The following DGKB variants were observed in gnomAD, a reference collection of about 807,000 sequenced individuals.
DGKB encodes the protein diacylglycerol kinase beta.
DGKB carries 67 observed loss-of-function variants against 114.3 expected under a neutral mutation model. That is an observed-to-expected ratio of 0.59 (90% CI 0.48 to 0.72). The LOEUF (loss-of-function observed/expected upper bound fraction) is 0.72, where lower values mean the gene tolerates loss of function less well. Among genes scored for constraint, DGKB ranks in the 30% least tolerant of loss-of-function variants. The pLI is 0.00. For synonymous variants in DGKB, 398 were observed against 323.1 expected, an observed-to-expected ratio of 1.23 and a Z score of -2.49; for missense variants, 907 against 975.2, an observed-to-expected ratio of 0.93 and a Z score of 0.93.
At chr7:14,566,484 T>A (rs1797398867) in intron 20 of DGKB, among the ~76,000 whole-genome samples, 1 of 152,228 alleles carries the variant, frequency 6.6e-6, no homozygotes, top group South Asian at 2.1e-4. Flanking sequence ...AAGTTGTTTG[T>A]GTCATTTTTA....
intron 1 of DGKB, among the ~76,000 whole-genome samples, chr7:14,952,088 T>C (rs1251259680): frequency 6.6e-6 from 1 of 151,990 alleles, no homozygotes. Context: ...CCAGTATGAC[T>C]TTATCCTTAC....
At chr7:14,778,585 A>G (rs192360908) in intron 2 of DGKB, among the ~76,000 whole-genome samples, 1 of 152,292 alleles carries the variant, frequency 6.6e-6, no homozygotes, top group East Asian at 1.9e-4. Flanking sequence ...ATTTTTTAGA[A>G]GGTAAAGAGA....
At position 14,418,706 on chromosome 7, in the gene DGKB, G is replaced by C. The variant is rs187444844; in HGVS notation, c.1835+59455C>G. Among the ~76,000 whole-genome samples the C allele has an allele frequency of 6.5e-4, 98 of 151,830 alleles. 1 individual carries two copies. Among genetic ancestry groups the C allele is most frequent in the African/African-American group, 2.3e-3 (97 of 41,494 alleles). Reference sequence around the variant, plus strand: ...AGTCAAAACATCTAGGTTTAATCCTGGATATGTTGCTTCATAGCTAGGTTA... The same window carrying C: ...AGTCAAAACATCTAGGTTTAATCCTCGATATGTTGCTTCATAGCTAGGTTA... On this transcript the variant is annotated intron_variant, in intron 21 of 25. Transcript: ENST00000402815.
chr7:14,166,534 A>G (rs1784631451), intron 25 of DGKB, among the ~76,000 whole-genome samples: 1 of 152,186 alleles, frequency 6.6e-6, no homozygotes, highest in East Asian at 1.9e-4. Flanking sequence ...GTCATAAACA[A>G]GAAAATCTAA....
chr7:14,838,062 C>T (rs1847398238), intron 2 of DGKB, among the ~76,000 whole-genome samples: 1 of 152,078 alleles, frequency 6.6e-6, no homozygotes, highest in Non-Finnish European at 1.5e-5. Context: ...TACTGAACAA[C>T]CATTGATCTT....
intron 17 of DGKB, among the ~76,000 whole-genome samples, chr7:14,590,918 G>A (rs143535100): frequency 6.6e-6 from 1 of 152,042 alleles, no homozygotes; most frequent in Non-Finnish European, 1.5e-5. Context: ...CGCCTGCACT[G>A]TTCTGGCAGA....
chr7:14,723,967 G>A (rs574259532), intron 5 of DGKB, among the ~76,000 whole-genome samples: 2 of 152,202 alleles, frequency 1.3e-5, no homozygotes, highest in Admixed American at 1.3e-4. Flanking sequence ...TAGCAGATAA[G>A]TTTTGGGTAG....
At chr7:14,319,060 G>T (rs1056168880) in intron 23 of DGKB, among the ~76,000 whole-genome samples, 11 of 150,354 alleles carry the variant, frequency 7.3e-5, no homozygotes, top group South Asian at 2.1e-4. Context: ...CACTGCATAT[G>T]CTCACTCATA....
chr7:14,807,698 T>C (rs1842942717), intron 2 of DGKB, among the ~76,000 whole-genome samples: 1 of 152,014 alleles, frequency 6.6e-6, no homozygotes, highest in Non-Finnish European at 1.5e-5. Flanking sequence ...ACAGAAGCTC[T>C]TGCTTTCGAT....
intron 23 of DGKB, among the ~76,000 whole-genome samples, chr7:14,235,957 T>G (rs7458793): frequency 0.025 from 3,778 of 151,938 alleles, 95 homozygotes; most frequent in East Asian, 0.09. Flanking sequence ...AACACACACA[T>G]GGATGCACAA....
chr7:14,966,502 T>A (rs1311975940), intron 1 of DGKB, among the ~76,000 whole-genome samples: 3 of 151,944 alleles, frequency 2.0e-5, no homozygotes, highest in African/African-American at 7.2e-5. Context: ...GGTCTCACCA[T>A]GTCGCCCAGG....
At chr7:14,939,121 G>A (rs1034876561) in intron 1 of DGKB, among the ~76,000 whole-genome samples, 12 of 151,914 alleles carry the variant, frequency 7.9e-5, no homozygotes, top group Admixed American at 2.6e-4. Context: ...CATGTTACCT[G>A]TGGTGCCTCT....
intron 6 of DGKB, among the ~76,000 whole-genome samples, chr7:14,708,303 G>T (rs1826653433): frequency 8.6e-6 from 1 of 116,064 alleles, no homozygotes; most frequent in Non-Finnish European, 1.7e-5. Flanking sequence ...CACTGCTCAA[G>T]GAAATAAAAG....
At chr7:14,205,285 C>T (rs924797746) in intron 23 of DGKB, among the ~76,000 whole-genome samples, 3 of 151,936 alleles carry the variant, frequency 2.0e-5, no homozygotes, top group African/African-American at 7.2e-5. Context: ...TTTCCACCTC[C>T]TCAAAACTCT....
chr7:14,804,844 C>T (rs573694652), intron 2 of DGKB, among the ~76,000 whole-genome samples: 1 of 152,124 alleles, frequency 6.6e-6, no homozygotes, highest in Admixed American at 6.6e-5. Flanking sequence ...TTAGATTTGT[C>T]TCTTTTCAAG....
intron 1 of DGKB, among the ~76,000 whole-genome samples, chr7:14,852,487 C>CAAAAAAAAAAAAAAAAAAAAAAAAAACA: frequency 1.6e-5 from 1 of 63,636 alleles, no homozygotes; most frequent in Non-Finnish European, 3.0e-5. Flanking sequence ...TAGTGAAAGT[C>CAAAAAAAAAAAAAAAAAAAAAAAAAACA]AAAAAAAAAA....
chr7:14,807,115 G>GT (rs2128067116), intron 2 of DGKB, among the ~76,000 whole-genome samples: 1 of 152,048 alleles, frequency 6.6e-6, no homozygotes, highest in Admixed American at 6.6e-5. Context: ...GCCTGAAGCT[G>GT]TAACAGTTCT....
chr7:14,274,475 T>C (rs1562806363), intron 23 of DGKB, among the ~76,000 whole-genome samples: 1 of 152,134 alleles, frequency 6.6e-6, no homozygotes, highest in Non-Finnish European at 1.5e-5. Flanking sequence ...CTTGCTTTTA[T>C]ATTATCTTTA....
intron 13 of DGKB, among the ~76,000 whole-genome samples, chr7:14,638,410 C>T (rs1318547489): frequency 6.6e-6 from 1 of 152,028 alleles, no homozygotes; most frequent in Admixed American, 6.6e-5. Flanking sequence ...ACCAAGCCTC[C>T]TTGTTATATA....
Sources: allele counts gnomAD v4.1 joint callset (sites outside exome capture counted in the v4.1 genomes callset), GRCh38; gene constraint gnomAD v4.1.1; transcripts MANE v1.5; gene names NCBI Gene and HGNC (gene_info 2026-07-23, HGNC 2026-07-21).